Variants in KLHL13 observed in about 807,000 individuals in gnomAD.
KLHL13 encodes the protein kelch like family member 13, also known as kelch-like protein 13.
A neutral mutation model predicts 37.1 loss-of-function variants in KLHL13; 10 were observed. The observed-to-expected ratio is 0.27, with a 90% CI of 0.17 to 0.46. The LOEUF (loss-of-function observed/expected upper bound fraction) is 0.46, where lower values mean the gene tolerates loss of function less well. KLHL13 is among the 20% of genes least tolerant of loss of function. The pLI is 1.00. For missense variants in KLHL13, 360 were observed against 509.3 expected (o/e 0.71, Z 2.82); for synonymous variants, 163 against 181.2 (o/e 0.90, Z 0.81).
chrX:118,072,741 C>T lies in KLHL13; in HGVS notation c.-56+43767G>A, dbSNP rs181164724. 3.6e-5 allele frequency among the ~76,000 whole-genome samples: 4 copies of T among 112,045 alleles called. No individual in the cohort carries two copies. The East Asian group carries it at 1.1e-3, about 31-fold the overall frequency. On this transcript the variant is annotated intron_variant, in intron 1 of 6. Transcript: ENST00000371882. ...TGTATTCTGAAGCTATGCAATAGAT[C>T]CACAAAAGTTTAGAATTGTTTTCTC...
At chrX:117,926,790 C>T (rs1352296326) in intron 2 of KLHL13, among the ~76,000 whole-genome samples, 1 of 105,509 alleles carries the variant, frequency 9.5e-6, no homozygotes, top group African/African-American at 3.5e-5. Context: ...TCTTATATTT[C>T]CCAGTCTACC....
At chrX:118,008,770 C>A (rs2054017839) in intron 1 of KLHL13, among the ~76,000 whole-genome samples, 1 of 111,445 alleles carries the variant, frequency 9.0e-6, no homozygotes, top group African/African-American at 3.3e-5. Flanking sequence ...TGCATTTGAA[C>A]CCTGGATCCA....
chrX:118,027,230 A>G (rs771919184), intron 1 of KLHL13, among the ~76,000 whole-genome samples: 2 of 111,523 alleles, frequency 1.8e-5, no homozygotes, highest in East Asian at 5.7e-4. Flanking sequence ...CACCATAACA[A>G]TGCTTCTGCT....
At chrX:117,929,989 T>A (rs1932318718) in intron 2 of KLHL13, among the ~76,000 whole-genome samples, 1 of 107,622 alleles carries the variant, frequency 9.3e-6, no homozygotes, top group South Asian at 4.1e-4. Context: ...TTAAAATAAA[T>A]TTTTAGCAAG....
At chrX:118,089,997 C>T (rs776171238) in intron 1 of KLHL13, among the ~76,000 whole-genome samples, 1 of 105,468 alleles carries the variant, frequency 9.5e-6, no homozygotes, top group Non-Finnish European at 1.9e-5. Context: ...AGAAGAATCG[C>T]TTGAACCGGG....
chrX:117,920,358 G>A, exon 3 of KLHL13: 2 of 1,204,837 alleles, frequency 1.7e-6, no homozygotes, highest in Non-Finnish European at 2.2e-6. Context: ...TCAAGTCGAA[G>A]CTGGTCAAAG....
intron 1 of KLHL13, among the ~76,000 whole-genome samples, chrX:118,031,496 G>GATATATATATAGATATATATATTTAGAT (rs2054341376): frequency 2.4e-5 from 2 of 84,430 alleles, no homozygotes; most frequent in South Asian, 5.0e-4. Context: ...TATATATTTA[G>GATATATATATAGATATATATATTTAGAT]ATATATATAT....
chrX:118,106,963 TATTCACAACAGA>T (rs2055354232), intron 1 of KLHL13, among the ~76,000 whole-genome samples: 1 of 112,068 alleles, frequency 8.9e-6, no homozygotes, highest in Non-Finnish European at 1.9e-5. Context: ...AGGAAGACAT[TATTCACAACAGA>T]ATTATACCTC....
intron 5 of KLHL13, among the ~76,000 whole-genome samples, chrX:117,902,817 T>G (rs1249816555): frequency 1.8e-5 from 2 of 111,057 alleles, no homozygotes; most frequent in Non-Finnish European, 3.8e-5. Context: ...TATTATTTAT[T>G]GCAGACACTG....
At chrX:118,071,392 A>G (rs1291262920) in intron 1 of KLHL13, among the ~76,000 whole-genome samples, 1 of 111,116 alleles carries the variant, frequency 9.0e-6, no homozygotes, top group African/African-American at 3.3e-5. Flanking sequence ...AAGTGTTCCT[A>G]TTTCTCCACA....
At chrX:118,018,495 T>C (rs766635182) in intron 1 of KLHL13, among the ~76,000 whole-genome samples, 32 of 112,105 alleles carry the variant, frequency 2.9e-4, no homozygotes, top group Middle Eastern at 4.7e-3. Flanking sequence ...GTACTAATAA[T>C]GGAGATACAT....
At chrX:117,951,189 G>A (rs1933580311) in intron 1 of KLHL13, among the ~76,000 whole-genome samples, 1 of 111,063 alleles carries the variant, frequency 9.0e-6, no homozygotes, top group Non-Finnish European at 1.9e-5. Flanking sequence ...TGAAAAAATC[G>A]GGAACAAAAT....
At chrX:118,086,351 T>C (rs965122154) in intron 1 of KLHL13, among the ~76,000 whole-genome samples, 21 of 111,659 alleles carry the variant, frequency 1.9e-4, no homozygotes, top group Non-Finnish European at 3.6e-4. Flanking sequence ...AGACTGTTTT[T>C]CTTAGAGGTT....
intron 2 of KLHL13, among the ~76,000 whole-genome samples, chrX:117,928,977 A>G (rs1569418012): frequency 8.9e-6 from 1 of 111,828 alleles, no homozygotes; most frequent in Non-Finnish European, 1.9e-5. Flanking sequence ...TATACAAATT[A>G]CCAATGCCAG....
rs183589767 is a variant in KLHL13 at position 118,075,665 on chromosome X, G to C, written c.-56+40843C>G. ...CCATTCCCAGTGACATGGAATAAAA[G>C]AGGAAGGGGGAGAGGAAAAAGAAAA... On this transcript the variant is annotated intron_variant, in intron 1 of 6. Transcript: ENST00000371882. 3.6e-5 allele frequency among the ~76,000 whole-genome samples: 4 copies of C among 111,582 alleles called. No individual in the cohort carries two copies. The East Asian group carries it at 1.1e-3, about 32-fold the overall frequency.
Position 117,963,977 on chromosome X carries a change from G to A in KLHL13, c.98+8754C>T, listed in dbSNP as rs763059588. On this transcript the variant is annotated intron_variant, in intron 1 of 6. Coordinates refer to ENST00000262820, the Ensembl canonical transcript of KLHL13. ...AAACACCGCATATTCTCACTCATAG[G>A]TGGGAATTGAACAATGAGATCACAT... 3.0e-3 allele frequency among the ~76,000 whole-genome samples: 235 copies of A among 78,610 alleles called. 2 individuals carry two copies. The highest frequency in any genetic ancestry group is 0.011 in the African/African-American group (215 of 20,341). 68.3% of individuals were successfully genotyped at this position (78,610 alleles called of 115,157 possible). A position where few individuals can be genotyped will look rare whatever the true frequency, so the allele number is the denominator to read the frequency against.
intron 1 of KLHL13, among the ~76,000 whole-genome samples, chrX:118,020,504 G>A (rs2054191963): frequency 9.0e-6 from 1 of 110,901 alleles, no homozygotes. Context: ...AGGTGCTGGA[G>A]AGGATGTGGA....
intron 1 of KLHL13, among the ~76,000 whole-genome samples, chrX:118,109,811 CAACTGCAAGAA>C (rs1188749930): frequency 9.0e-6 from 1 of 111,684 alleles, no homozygotes; most frequent in Non-Finnish European, 1.9e-5. Context: ...GACTAGTTTT[CAACTGCAAGAA>C]AACTGCAGAA....
At chrX:118,036,561 T>C (rs1354276252) in intron 1 of KLHL13, among the ~76,000 whole-genome samples, 4 of 111,736 alleles carry the variant, frequency 3.6e-5, no homozygotes, top group African/African-American at 1.3e-4. Flanking sequence ...TGAAACTGGA[T>C]CCCTTCCTTA....
Sources: allele counts gnomAD v4.1 joint callset (sites outside exome capture counted in the v4.1 genomes callset), GRCh38; gene constraint gnomAD v4.1.1; transcripts MANE v1.5; gene names NCBI Gene and HGNC (gene_info 2026-07-23, HGNC 2026-07-21).